ANTXRL: variants seen among roughly 807,000 people sequenced by gnomAD.
ANTXRL encodes the protein anthrax toxin receptor-like.
ANTXRL carries 63 observed loss-of-function variants against 75.4 expected under a neutral mutation model. The ratio of observed to expected loss-of-function variants is 0.84; its 90% CI spans 0.68 to 1.03. The LOEUF is 1.03. Among genes scored for constraint, ANTXRL ranks in the 50% least tolerant of loss-of-function variants. The probability of loss-of-function intolerance (pLI) is 0.00; values close to 1 mark genes in which losing one functional copy is unlikely to be tolerated. For synonymous variants in ANTXRL, 335 were observed against 291.3 expected, an observed-to-expected ratio of 1.15 and a Z score of -1.53; for missense variants, 797 against 789.4, an observed-to-expected ratio of 1.01 and a Z score of -0.12.
intron 16 of ANTXRL, among the ~76,000 whole-genome samples, chr10:46,326,096 T>G (rs1554966405): frequency 6.6e-6 from 1 of 151,996 alleles, no homozygotes; most frequent in East Asian, 1.9e-4. Flanking sequence ...ATCTGGGTTT[T>G]TTTTTTTTTT....
At chr10:46,300,188 C>G (rs1454339096) in intron 9 of ANTXRL, among the ~76,000 whole-genome samples, 2 of 152,154 alleles carry the variant, frequency 1.3e-5, no homozygotes, top group Non-Finnish European at 2.9e-5. Context: ...GCCCGGCAGT[C>G]ACAGCCCTGA....
intron 9 of ANTXRL, among the ~76,000 whole-genome samples, chr10:46,299,907 A>T (rs545898184): frequency 5.3e-5 from 8 of 152,292 alleles, no homozygotes; most frequent in Non-Finnish European, 1.2e-4. Context: ...TCCCCCATGC[A>T]GAGCTGAGGG....
At chr10:46,326,019 A>G (rs1554966385) in intron 16 of ANTXRL, among the ~76,000 whole-genome samples, 1 of 151,710 alleles carries the variant, frequency 6.6e-6, no homozygotes, top group African/African-American at 2.4e-5. Context: ...GCTCAGTTTT[A>G]GGCCATGGAG....
chr10:46,290,979 T>G (rs1836958787), intron 1 of ANTXRL, among the ~76,000 whole-genome samples: 1 of 152,160 alleles, frequency 6.6e-6, no homozygotes, highest in African/African-American at 2.4e-5. Context: ...TTTTGTTGCC[T>G]GTGTTTTTGG....
At chr10:46,294,856 C>T (rs1487220786) in intron 3 of ANTXRL, among the ~76,000 whole-genome samples, 1 of 95,810 alleles carries the variant, frequency 1.0e-5, no homozygotes, top group Admixed American at 1.1e-4. Context: ...CTCAGAGCTC[C>T]GGCCATGGCA....
intron 16 of ANTXRL, among the ~76,000 whole-genome samples, chr10:46,315,220 G>A (rs1565046402): frequency 4.6e-5 from 7 of 152,216 alleles, no homozygotes; most frequent in Admixed American, 4.6e-4. Context: ...GGCTGCTGGT[G>A]AGCTCAGCAG....
At chr10:46,294,491 G>A (rs558819538) in intron 3 of ANTXRL, among the ~76,000 whole-genome samples, 1 of 152,260 alleles carries the variant, frequency 6.6e-6, no homozygotes, top group South Asian at 2.1e-4. Context: ...CAGAGTTCCT[G>A]TTTGGCCGGA....
At chr10:46,305,318 T>C (rs1262105782) in intron 10 of ANTXRL, among the ~76,000 whole-genome samples, 1 of 152,124 alleles carries the variant, frequency 6.6e-6, no homozygotes, top group Non-Finnish European at 1.5e-5. Flanking sequence ...ACAACTGAAA[T>C]AACAAACAGA....
intron 16 of ANTXRL, 63 bp downstream of exon 16, chr10:46,313,379 G>A: frequency 6.8e-7 from 1 of 1,466,782 alleles, no homozygotes; most frequent in African/African-American, 1.4e-5. Flanking sequence ...CCTGACCACT[G>A]TCCTCTGGGA....
rs528210171 is a variant in ANTXRL, at chr10:46,311,635, C to T, written c.1299C>T (p.Cys433=). The T allele has an allele frequency of 2.7e-5, 34 of 1,250,612 alleles. No homozygotes were observed. In the Middle Eastern group the frequency reaches 9.2e-4, roughly 34 times the overall value. The allele number at this position is 1,250,612 out of a possible 1,614,324, so 77.5% of individuals were successfully genotyped here. A position where few individuals can be genotyped will look rare whatever the true frequency, so the allele number is the denominator to read the frequency against. The change falls in exon 15 of 17, where the codon TGC becomes TGT. Residue 433 remains cysteine (C), a synonymous_variant. Coordinates refer to ENST00000620264, the MANE Select transcript of ANTXRL (RefSeq NM_001278688.3). ...CPTVIICCCG[C]QGVGGMRRIE... ...CTGTGATTATTTGTTGCTGTGGATG[C>T]CAAGGAGTGGGCGGGATGAGAAGGA...
intron 9 of ANTXRL, among the ~76,000 whole-genome samples, chr10:46,301,619 C>G (rs1413888785): frequency 6.6e-6 from 1 of 152,192 alleles, no homozygotes; most frequent in African/African-American, 2.4e-5. Context: ...CACAAACCCA[C>G]TAAGGCCTGC....
intron 14 of ANTXRL, 114 bp downstream of exon 14, chr10:46,310,613 T>C: frequency 1.7e-6 from 2 of 1,154,652 alleles, no homozygotes; most frequent in Non-Finnish European, 2.5e-6. Flanking sequence ...GCAGAGAAGT[T>C]GACAGAGGGG....
At chr10:46,310,569 T>G in intron 14 of ANTXRL, 70 bp downstream of exon 14, 2 of 1,455,696 alleles carry the variant, frequency 1.4e-6, no homozygotes, top group South Asian at 2.4e-5. Context: ...AAGAGTGCCA[T>G]GAAGCCTGCG....
rs371584112 is a variant in ANTXRL at position 46,291,951 on chromosome 10, G to A, written c.249-107G>A. ...GTACCCCAGCCTCAGCTGTGCTGGG[G>A]TCAGGAGAGCTTGTTAAGAGCCTGC... On this transcript the variant is annotated intron_variant, in intron 1 of 16. Coordinates refer to ENST00000620264, the MANE Select transcript of ANTXRL (RefSeq NM_001278688.3). 313 of 1,016,442 alleles carry A rather than the reference G, an allele frequency of 3.1e-4. No homozygotes were observed. The African/African-American group carries it at 4.5e-3, about 14-fold the overall frequency. The allele number at this position is 1,016,442 out of a possible 1,614,324, so 63.0% of individuals were successfully genotyped here. A position where few individuals can be genotyped will look rare whatever the true frequency, so the allele number is the denominator to read the frequency against.
intron 9 of ANTXRL, among the ~76,000 whole-genome samples, chr10:46,302,454 A>G (rs1837810993): frequency 1.3e-5 from 2 of 152,166 alleles, no homozygotes; most frequent in Admixed American, 6.5e-5. Context: ...GCAAGGACCA[A>G]GGCCTTTCCT....
At position 46,293,907 on chromosome 10, in the gene ANTXRL, G is replaced by A. The variant is rs1554957702; in HGVS notation, c.392+7G>A. 1.3e-6 allele frequency: 2 copies of A among 1,535,334 alleles called. No homozygotes were observed. The highest frequency in any genetic ancestry group is 2.7e-5 in the African/African-American group (2 of 72,978). On this transcript the variant is annotated splice_region_variant and intron_variant, in intron 3 of 16. Transcript: ENST00000620264. ...TGCCACTCACCTCAGACAAGTGAGT[G>A]CTGCTTTGAGCCCCAAAGGGAGGCC...
intron 16 of ANTXRL, among the ~76,000 whole-genome samples, chr10:46,315,599 C>T (rs557961775): frequency 5.9e-5 from 9 of 152,274 alleles, no homozygotes; most frequent in South Asian, 2.1e-4. Context: ...CACCCATGCC[C>T]GGCCTTGTGA....
In ANTXRL at chr10:46,329,969, T is replaced by TC; in HGVS notation, c.1787dup (p.Ala597SerfsTer2). On this transcript the variant is annotated frameshift_variant, in exon 17 of 17. Transcript: ENST00000620264. LOFTEE classifies it high-confidence loss of function. ...CTCACCTGCTCCTCCAGGTGCCGCCTCCCCCCAGCTAGGTGCTTGAGGCCT... is the reference window on the plus strand; with the variant it reads ...CTCACCTGCTCCTCCAGGTGCCGCCTCCCCCCCAGCTAGGTGCTTGAGGCCT... 6.5e-7 allele frequency: 1 copy of TC among 1,528,036 alleles called. No homozygotes were observed. The highest frequency in any genetic ancestry group is 8.7e-7 in the Non-Finnish European group (1 of 1,144,318). 94.7% of individuals were successfully genotyped at this position (1,528,036 alleles called of 1,614,324 possible).
chr10:46,315,431 G>A (rs1475709097), intron 16 of ANTXRL, among the ~76,000 whole-genome samples: 13 of 151,450 alleles, frequency 8.6e-5, no homozygotes, highest in African/African-American at 3.2e-4. Context: ...GAGACGTCCT[G>A]CCAGGACAGG....
Sources: allele counts gnomAD v4.1 joint callset (sites outside exome capture counted in the v4.1 genomes callset), GRCh38; gene constraint gnomAD v4.1.1; transcripts MANE v1.5; gene names NCBI Gene and HGNC (gene_info 2026-07-23, HGNC 2026-07-21).